Variants in WDFY2 observed in about 807,000 individuals in gnomAD.
The protein encoded by WDFY2 is WD repeat and FYVE domain containing 2.
Under a neutral mutation model 56.4 loss-of-function variants are expected in WDFY2, and 36 were observed. The ratio of observed to expected loss-of-function variants is 0.64; its 90% CI spans 0.49 to 0.84. The LOEUF (loss-of-function observed/expected upper bound fraction) is 0.84, where lower values mean the gene tolerates loss of function less well. Ranked by LOEUF, WDFY2 falls within the 40% of genes least tolerant of loss-of-function variation. The probability of loss-of-function intolerance (pLI) is 0.00; values close to 1 mark genes in which losing one functional copy is unlikely to be tolerated. For missense variants in WDFY2, 444 were observed against 512.2 expected, an observed-to-expected ratio of 0.87 and a Z score of 1.29; for synonymous variants, 176 against 183.7, an observed-to-expected ratio of 0.96 and a Z score of 0.34.
At chr13:51,719,371 C>G (rs1228879195) in intron 5 of WDFY2, 23 bp downstream of exon 5, 6 of 1,535,780 alleles carry the variant, frequency 3.9e-6, no homozygotes, top group African/African-American at 1.4e-5. Flanking sequence ...GGACAAAAAT[C>G]TCTTAGTGGG....
At chr13:51,695,896 C>T (rs111757827) in intron 3 of WDFY2, among the ~76,000 whole-genome samples, 4 of 152,234 alleles carry the variant, frequency 2.6e-5, no homozygotes, top group African/African-American at 9.6e-5. Context: ...GTGCCCCTCC[C>T]CCAGCCTTGC....
At chr13:51,621,570 G>C (rs1325625090) in intron 1 of WDFY2, among the ~76,000 whole-genome samples, 1 of 152,168 alleles carries the variant, frequency 6.6e-6, no homozygotes, top group Non-Finnish European at 1.5e-5. Context: ...TCAGTTACCT[G>C]GGAAAGCAGA....
At chr13:51,639,455 G>A (rs1212099633) in intron 1 of WDFY2, among the ~76,000 whole-genome samples, 2 of 152,114 alleles carry the variant, frequency 1.3e-5, no homozygotes, top group East Asian at 1.9e-4. Context: ...AATTGTAGAG[G>A]GCAGTAGTTA....
chr13:51,685,419 C>G (rs1405066814), intron 3 of WDFY2, among the ~76,000 whole-genome samples: 1 of 152,160 alleles, frequency 6.6e-6, no homozygotes, highest in Non-Finnish European at 1.5e-5. Flanking sequence ...TGCCCAAAAA[C>G]TTAACTACTA....
chr13:51,647,882 C>T (rs1363568526), intron 1 of WDFY2, among the ~76,000 whole-genome samples: 1 of 151,848 alleles, frequency 6.6e-6, no homozygotes, highest in Non-Finnish European at 1.5e-5. Flanking sequence ...TATACACACA[C>T]ACACGAGTCA....
chr13:51,736,391 T>C (rs770599396), intron 6 of WDFY2, among the ~76,000 whole-genome samples: 11 of 152,200 alleles, frequency 7.2e-5, no homozygotes, highest in African/African-American at 2.2e-4. Context: ...TGTACACTTA[T>C]AATACCATAT....
chr13:51,756,274 G>A (rs1005776897), intron 9 of WDFY2, 58 bp from the exon 10 acceptor site: 20 of 1,561,298 alleles, frequency 1.3e-5, no homozygotes, highest in Admixed American at 1.8e-5. Flanking sequence ...GGTGAGATGC[G>A]GGGGCCTCAG....
chr13:51,712,312 G>A (rs561604519), intron 4 of WDFY2, among the ~76,000 whole-genome samples: 8 of 152,194 alleles, frequency 5.3e-5, no homozygotes, highest in Admixed American at 3.3e-4. Context: ...TGGGGGGAGC[G>A]GGGAGGGATA....
intron 3 of WDFY2, among the ~76,000 whole-genome samples, chr13:51,690,201 TTTTA>T: frequency 6.6e-6 from 1 of 150,756 alleles, no homozygotes; most frequent in Non-Finnish European, 1.5e-5. Flanking sequence ...TATATATTTT[TTTTA>T]TTATTATACT....
At chr13:51,634,450 T>C (rs1955008566) in intron 1 of WDFY2, among the ~76,000 whole-genome samples, 2 of 152,186 alleles carry the variant, frequency 1.3e-5, no homozygotes, top group African/African-American at 4.8e-5. Flanking sequence ...GATTTAAAAA[T>C]ATATCATGAA....
At chr13:51,623,707 C>G (rs1475863893) in intron 1 of WDFY2, among the ~76,000 whole-genome samples, 1 of 152,152 alleles carries the variant, frequency 6.6e-6, no homozygotes, top group African/African-American at 2.4e-5. Flanking sequence ...GAATGCACAT[C>G]CTGTGAACAT....
At chr13:51,661,847 A>T (rs2138461370) in intron 2 of WDFY2, among the ~76,000 whole-genome samples, 1 of 152,310 alleles carries the variant, frequency 6.6e-6, no homozygotes, top group Non-Finnish European at 1.5e-5. Flanking sequence ...CTTCTAGAAG[A>T]TACTGTCGTA....
In WDFY2 at chr13:51,620,158, TA is replaced by T. The variant is rs745643795; in HGVS notation, c.137+35340del. Among the ~76,000 whole-genome samples the T allele has an allele frequency of 3.5e-5, 4 of 113,312 alleles. No individual in the cohort carries two copies. In the East Asian group the frequency reaches 1.2e-3, roughly 35 times the overall value. 74.3% of individuals were successfully genotyped at this position (113,312 alleles called of 152,430 possible). ...ATAACTTTTAGATAAATGTTCCTTT[TA>T]AAAAACGTAAAATGCTATGCTTCTC... is the stretch of plus-strand genomic sequence containing the variant. On this transcript the variant is annotated intron_variant, in intron 1 of 11. Transcript: ENST00000298125.
chr13:51,681,579 A>G (rs1955977360), intron 3 of WDFY2, among the ~76,000 whole-genome samples: 1 of 152,174 alleles, frequency 6.6e-6, no homozygotes, highest in Non-Finnish European at 1.5e-5. Context: ...ATTCTGAGTC[A>G]CTGGACTGCC....
intron 1 of WDFY2, among the ~76,000 whole-genome samples, chr13:51,597,078 C>A (rs1207544587): frequency 9.9e-5 from 15 of 152,180 alleles, no homozygotes; most frequent in Non-Finnish European, 1.8e-4. Context: ...CCTCCCACCT[C>A]ACTTTAATTT....
Position 51,726,904 on chromosome 13 carries a change from TA to T in WDFY2, c.486-773del, listed in dbSNP as rs751742278. Among the ~76,000 whole-genome samples, 4 of 152,216 alleles carry T rather than the reference TA, an allele frequency of 2.6e-5. 1 individual carries two copies. The highest frequency in any genetic ancestry group is 4.1e-4 in the South Asian group (2 of 4,834). ...GGCCCTTTGTGACATAAATTGCAAATATTTTTTTCCAGTTTATCTTTTGGCT... is the reference window on the plus strand; with the variant it reads ...GGCCCTTTGTGACATAAATTGCAAATTTTTTTTCCAGTTTATCTTTTGGCT... On this transcript the variant is annotated intron_variant, in intron 5 of 11. Coordinates refer to ENST00000298125, the MANE Select transcript of WDFY2 (RefSeq NM_052950.4).
intron 1 of WDFY2, among the ~76,000 whole-genome samples, chr13:51,616,536 G>A (rs931688230): frequency 1.3e-5 from 2 of 152,150 alleles, no homozygotes; most frequent in African/African-American, 2.4e-5. Flanking sequence ...ACTCATGGTC[G>A]TTGATTCTTG....
chr13:51,678,780 A>G (rs918600496), intron 3 of WDFY2, among the ~76,000 whole-genome samples: 2 of 152,232 alleles, frequency 1.3e-5, no homozygotes, highest in African/African-American at 2.4e-5. Context: ...GAAAAATGAA[A>G]TTATGAAATA....
chr13:51,669,650 C>T (rs1174792669), intron 2 of WDFY2, among the ~76,000 whole-genome samples: 1 of 151,968 alleles, frequency 6.6e-6, no homozygotes, highest in African/African-American at 2.4e-5. Context: ...ATTTTTTTCC[C>T]TAGATTTTAA....
Sources: allele counts gnomAD v4.1 joint callset (sites outside exome capture counted in the v4.1 genomes callset), GRCh38; gene constraint gnomAD v4.1.1; transcripts MANE v1.5; gene names NCBI Gene and HGNC (gene_info 2026-07-23, HGNC 2026-07-21).